GALNT18: variants seen among roughly 807,000 people sequenced by gnomAD.
GALNT18 encodes the protein GalNAc-transferase 18.
Under a neutral mutation model 69.5 loss-of-function variants are expected in GALNT18, and 44 were observed. The observed-to-expected ratio is 0.63, with a 90% CI of 0.50 to 0.81. GALNT18 has a LOEUF of 0.81. Among genes scored for constraint, GALNT18 ranks in the 40% least tolerant of loss-of-function variants. GALNT18 has a pLI of 0.00. For missense variants in GALNT18, 715 were observed against 810.0 expected (o/e 0.88, Z 1.42); for synonymous variants, 364 against 318.2 (o/e 1.14, Z -1.53).
chr11:11,588,122 A>T (rs1335353265), intron 1 of GALNT18, among the ~76,000 whole-genome samples: 1 of 151,984 alleles, frequency 6.6e-6, no homozygotes, highest in Non-Finnish European at 1.5e-5. Flanking sequence ...CTACACACCC[A>T]TCTGCTCAGC....
chr11:11,512,086 T>A (rs1857177267), intron 1 of GALNT18, among the ~76,000 whole-genome samples: 1 of 152,214 alleles, frequency 6.6e-6, no homozygotes, highest in South Asian at 2.1e-4. Context: ...ATTCACAGAT[T>A]CCCTAAAGCC....
intron 2 of GALNT18, among the ~76,000 whole-genome samples, chr11:11,443,239 C>T (rs1310766467): frequency 2.6e-5 from 4 of 152,112 alleles, no homozygotes; most frequent in South Asian, 2.1e-4. Context: ...TTCAACCCTG[C>T]GCCATCCTCC....
At position 11,480,307 on chromosome 11, in the gene GALNT18, C is replaced by T. The variant is rs370688767; in HGVS notation, c.236-31371G>A. On this transcript the variant is annotated intron_variant, in intron 1 of 10. Coordinates refer to ENST00000227756, the MANE Select transcript of GALNT18 (RefSeq NM_198516.3). The surrounding 1 kb of genome is among the most constrained non-coding windows in gnomAD (Gnocchi z 4.6). ...CCCCTCGCCCCAACCTCAGTCATAT[C>T]CCAATAACTGACCCTCAGTCTCTGT... Among the ~76,000 whole-genome samples the T allele has an allele frequency of 8.0e-4, 122 of 152,108 alleles. No individual in the cohort carries two copies. The highest frequency in any genetic ancestry group is 2.8e-3 in the African/African-American group (117 of 41,506).
Position 11,599,110 on chromosome 11 carries a change from T to C in GALNT18, c.235+22249A>G, listed in dbSNP as rs11824687. 5.5e-3 allele frequency among the ~76,000 whole-genome samples: 840 copies of C among 152,270 alleles called. 9 individuals are homozygous for C. The highest frequency in any genetic ancestry group is 0.019 in the African/African-American group (791 of 41,578). On this transcript the variant is annotated intron_variant, in intron 1 of 10. Coordinates refer to ENST00000227756, the MANE Select transcript of GALNT18 (RefSeq NM_198516.3). ...AATTATAAGTGTCTATTAGGTCTAA[T>C]TGGTTTATACTTTTGTTCAAGTCTT...
chr11:11,487,089 T>C (rs535519317), intron 1 of GALNT18, among the ~76,000 whole-genome samples: 1 of 152,194 alleles, frequency 6.6e-6, no homozygotes, highest in African/African-American at 2.4e-5. Flanking sequence ...TTTGCATCCA[T>C]AAGCTACTCA....
chr11:11,436,565 G>A lies in GALNT18; in HGVS notation c.429-3778C>T, dbSNP rs1220607694. Among the ~76,000 whole-genome samples the A allele has an allele frequency of 2.6e-5, 4 of 152,166 alleles. No individual in the cohort carries two copies. The highest frequency in any genetic ancestry group is 4.4e-5 in the Non-Finnish European group (3 of 68,040). Reference sequence around the variant, plus strand: ...CCTCACACCATGATGCAAGCAGCAGGTCTTCCATTGGTGTTTGTTGAATAA... The same window carrying A: ...CCTCACACCATGATGCAAGCAGCAGATCTTCCATTGGTGTTTGTTGAATAA... On this transcript the variant is annotated intron_variant, in intron 2 of 10. Transcript: ENST00000227756. The surrounding 1 kb of genome is among the most constrained non-coding windows in gnomAD (Gnocchi z 4.5).
At chr11:11,531,458 C>T (rs1168228323) in intron 1 of GALNT18, among the ~76,000 whole-genome samples, 1 of 152,308 alleles carries the variant, frequency 6.6e-6, no homozygotes, top group East Asian at 1.9e-4. Flanking sequence ...GCATACGCAT[C>T]GGGCTGGTTA....
In GALNT18 at chr11:11,404,283, C is replaced by T. The variant is rs1321342356; in HGVS notation, c.596-25019G>A. 6.6e-6 allele frequency among the ~76,000 whole-genome samples: 1 copy of T among 152,186 alleles called. No homozygotes were observed. Among genetic ancestry groups the T allele is most frequent in the East Asian group, 1.9e-4 (1 of 5,190 alleles). Reference sequence around the variant, plus strand: ...CCCAGGGGAGCCCTGGGCTTCAGTGCCAATGCCTCTGCCTCACCATCCATC... The same window carrying T: ...CCCAGGGGAGCCCTGGGCTTCAGTGTCAATGCCTCTGCCTCACCATCCATC... On this transcript the variant is annotated intron_variant, in intron 3 of 10. Coordinates refer to ENST00000227756, the MANE Select transcript of GALNT18 (RefSeq NM_198516.3). The surrounding 1 kb of genome is among the most constrained non-coding windows in gnomAD (Gnocchi z 4.5).
rs879754863 is a variant in GALNT18, at chr11:11,338,887, A to G, written c.1278+1932T>C. Among the ~76,000 whole-genome samples, 2 of 152,122 alleles carry G rather than the reference A, an allele frequency of 1.3e-5. No homozygotes were observed. The highest frequency in any genetic ancestry group is 2.9e-5 in the Non-Finnish European group (2 of 68,024). ...AGTTAGGAATAAATGGAGAGAGATA[A>G]GATTCCAGGGTGTGGAATCATGGAC... is the stretch of plus-strand genomic sequence containing the variant. On this transcript the variant is annotated intron_variant, in intron 7 of 10. Transcript: ENST00000227756. This position sits in a 1 kb window ranked among gnomAD's most constrained non-coding sequence, Gnocchi z 5.3.
chr11:11,379,773 A>G (rs1392113745), intron 3 of GALNT18, among the ~76,000 whole-genome samples: 1 of 152,198 alleles, frequency 6.6e-6, no homozygotes, highest in African/African-American at 2.4e-5. Context: ...CTGGATCTCC[A>G]TCTTTCCAGG....
chr11:11,360,154 C>A (rs1167050683), intron 6 of GALNT18, among the ~76,000 whole-genome samples: 1 of 152,180 alleles, frequency 6.6e-6, no homozygotes, highest in Non-Finnish European at 1.5e-5. Context: ...GAGTGTACAT[C>A]ATTACACCAA....
chr11:11,609,792 G>A (rs184746435), intron 1 of GALNT18, among the ~76,000 whole-genome samples: 26 of 152,256 alleles, frequency 1.7e-4, no homozygotes, highest in Admixed American at 7.2e-4. Context: ...CATTTCATAC[G>A]TTTAACTCCA....
chr11:11,325,801 G>A (rs953001200), intron 9 of GALNT18, among the ~76,000 whole-genome samples: 3 of 152,108 alleles, frequency 2.0e-5, no homozygotes, highest in African/African-American at 7.2e-5. Flanking sequence ...GGTTGTGTGA[G>A]CACAACCTGA....
Position 11,432,873 on chromosome 11 carries a change from T to A in GALNT18, c.429-86A>T. On this transcript the variant is annotated intron_variant, in intron 2 of 10. Transcript: ENST00000227756. The surrounding 1 kb of genome is among the most constrained non-coding windows in gnomAD (Gnocchi z 5.8). ...CCCAGCCCATGTCCTGGCTCCAGCT[T>A]TGCTGGAGGGCTCGGGAGTCCAGAT... 1.4e-6 allele frequency: 2 copies of A among 1,382,738 alleles called. No homozygotes were observed. Among genetic ancestry groups the A allele is most frequent in the Non-Finnish European group, 2.0e-6 (2 of 1,004,776 alleles). The allele number at this position is 1,382,738 out of a possible 1,614,324, so 85.7% of individuals were successfully genotyped here.
At chr11:11,385,614 A>G (rs1028184182) in intron 3 of GALNT18, among the ~76,000 whole-genome samples, 2 of 152,122 alleles carry the variant, frequency 1.3e-5, no homozygotes, top group African/African-American at 4.8e-5. Context: ...TCAAATTTTA[A>G]CATGAGATTT....
rs1295459783 is a variant in GALNT18, at chr11:11,497,098, G to T, written c.236-48162C>A. On this transcript the variant is annotated intron_variant, in intron 1 of 10. Coordinates refer to ENST00000227756, the MANE Select transcript of GALNT18 (RefSeq NM_198516.3). This position sits in a 1 kb window ranked among gnomAD's most constrained non-coding sequence, Gnocchi z 4.2. Reference sequence around the variant, plus strand: ...CCACCTCAGGGCCTTTGCACCTGCTGTTTCTTCAGTATGGGATGCTGTGAC... The same window carrying T: ...CCACCTCAGGGCCTTTGCACCTGCTTTTTCTTCAGTATGGGATGCTGTGAC... Among the ~76,000 whole-genome samples, 1 of 151,974 alleles carries T rather than the reference G, an allele frequency of 6.6e-6. No homozygotes were observed. Among genetic ancestry groups the T allele is most frequent in the Non-Finnish European group, 1.5e-5 (1 of 68,000 alleles).
intron 5 of GALNT18, among the ~76,000 whole-genome samples, chr11:11,375,001 G>C (rs1259856833): frequency 2.0e-5 from 3 of 152,182 alleles, no homozygotes; most frequent in African/African-American, 7.2e-5. Context: ...GTCTTTCTTT[G>C]ACTGGCAGTC....
Position 11,461,218 on chromosome 11 carries a change from AG to A in GALNT18, c.236-12283del, listed in dbSNP as rs1856035983. ...ACTGCTGGGTCTTTCCTCCCCTGCA[AG>A]GGGGACTTCTGGGCCTGGGTGTGTC... On this transcript the variant is annotated intron_variant, in intron 1 of 10. Transcript: ENST00000227756. The surrounding 1 kb of genome is among the most constrained non-coding windows in gnomAD (Gnocchi z 4.1). Among the ~76,000 whole-genome samples the A allele has an allele frequency of 6.6e-6, 1 of 152,160 alleles. No homozygotes were observed. The highest frequency in any genetic ancestry group is 2.4e-5 in the African/African-American group (1 of 41,428).
At position 11,459,661 on chromosome 11, in the gene GALNT18, G is replaced by GATA. The variant is rs1332693824; in HGVS notation, c.236-10728_236-10726dup. On this transcript the variant is annotated intron_variant, in intron 1 of 10. Transcript: ENST00000227756. The surrounding 1 kb of genome is among the most constrained non-coding windows in gnomAD (Gnocchi z 5.0). Reference sequence around the variant, plus strand: ...GAAGCTCAGCTTGCTGTCGAATGTGGATAATAATGTCTATGTCTAAGCTTG... The same window carrying GATA: ...GAAGCTCAGCTTGCTGTCGAATGTGGATAATAATAATGTCTATGTCTAAGCTTG... Among the ~76,000 whole-genome samples, 1 of 152,208 alleles carries GATA rather than the reference G, an allele frequency of 6.6e-6. No homozygotes were observed. Among genetic ancestry groups the GATA allele is most frequent in the Non-Finnish European group, 1.5e-5 (1 of 68,044 alleles).
Sources: gnomAD v4.1 joint callset for allele counts (sites outside exome capture counted in the v4.1 genomes callset) on GRCh38, gnomAD v4.1.1 for gene constraint, Gnocchi (gnomAD v3.1) non-coding constraint, MANE v1.5 for transcripts, NCBI Gene and HGNC (gene_info 2026-07-23, HGNC 2026-07-21) for gene names.